GMDS: variants seen among roughly 807,000 people sequenced by gnomAD.
GMDS encodes the protein GDP-mannose 4,6-dehydratase.
Under a neutral mutation model 49.9 loss-of-function variants are expected in GMDS, and 20 were observed. The observed-to-expected ratio is 0.40, with a 90% CI of 0.28 to 0.58. The LOEUF is 0.58. Among genes scored for constraint, GMDS ranks in the 20% least tolerant of loss-of-function variants. The pLI is 0.42. For synonymous variants in GMDS, 177 were observed against 178.6 expected (o/e 0.99, Z 0.07); for missense variants, 362 against 481.4 (o/e 0.75, Z 2.32).
chr6:2,099,142 A>G (rs1215950763), intron 4 of GMDS, among the ~76,000 whole-genome samples: 2 of 152,160 alleles, frequency 1.3e-5, no homozygotes, highest in African/African-American at 4.8e-5. Context: ...ACTCTCATTT[A>G]GCATACATTT....
intron 7 of GMDS, among the ~76,000 whole-genome samples, chr6:1,818,014 C>A (rs1022167195): frequency 3.9e-5 from 6 of 151,960 alleles, no homozygotes; most frequent in Non-Finnish European, 8.8e-5. Flanking sequence ...ACAGAGCTTG[C>A]CTTAAAAGTA....
At chr6:2,124,583 T>C (rs1775315166) in intron 2 of GMDS, 104 bp downstream of exon 2, 1 of 854,596 alleles carries the variant, frequency 1.2e-6, no homozygotes, top group African/African-American at 1.6e-5. Context: ...TTATCTGCGT[T>C]TCAGTGGAAA....
Position 1,918,509 on chromosome 6 carries a change from G to A in GMDS, c.771+11594C>T, listed in dbSNP as rs552326694. ...TACCTATAATCCAGTCCTTTGGGGG[G>A]CCGAGGTGGACAGATCATTTGAGCT... On this transcript the variant is annotated intron_variant, in intron 7 of 10. Transcript: ENST00000380815. Among the ~76,000 whole-genome samples, 11 of 152,198 alleles carry A rather than the reference G, an allele frequency of 7.2e-5. No individual in the cohort carries two copies. The East Asian group carries it at 1.4e-3, about 19-fold the overall frequency.
At chr6:2,110,542 C>T (rs1774488360) in intron 4 of GMDS, among the ~76,000 whole-genome samples, 2 of 152,168 alleles carry the variant, frequency 1.3e-5, no homozygotes, top group African/African-American at 4.8e-5. Context: ...ACAGTCAACT[C>T]TGCCTCCTGA....
chr6:1,860,277 C>T (rs1439378483), intron 7 of GMDS, among the ~76,000 whole-genome samples: 2 of 152,084 alleles, frequency 1.3e-5, no homozygotes, highest in Non-Finnish European at 2.9e-5. Context: ...CAATAGATTA[C>T]CATTCAGCAA....
intron 7 of GMDS, among the ~76,000 whole-genome samples, chr6:1,750,116 C>G (rs1394842202): frequency 1.3e-5 from 2 of 152,188 alleles, no homozygotes; most frequent in African/African-American, 2.4e-5. Context: ...AAGGACTGAG[C>G]CACCAGCCTC....
intron 7 of GMDS, among the ~76,000 whole-genome samples, chr6:1,804,793 G>A (rs574484080): frequency 6.6e-6 from 1 of 151,740 alleles, no homozygotes; most frequent in African/African-American, 2.4e-5. Flanking sequence ...AACATCATAC[G>A]CTCATTTTCA....
intron 1 of GMDS, among the ~76,000 whole-genome samples, chr6:2,156,507 C>A (rs1777120802): frequency 6.6e-6 from 1 of 152,096 alleles, no homozygotes; most frequent in Admixed American, 6.5e-5. Flanking sequence ...TAATGACTTT[C>A]ACAACAAATT....
chr6:1,665,774 A>G (rs1346746152), intron 9 of GMDS, among the ~76,000 whole-genome samples: 2 of 152,202 alleles, frequency 1.3e-5, no homozygotes, highest in Non-Finnish European at 2.9e-5. Context: ...CATAATAGCT[A>G]AACAGCCCTA....
At chr6:2,229,408 CAAAAAA>C (rs1210456971) in intron 1 of GMDS, among the ~76,000 whole-genome samples, 20 of 89,240 alleles carry the variant, frequency 2.2e-4, no homozygotes, top group African/African-American at 4.6e-4. Flanking sequence ...CCTGTTTCTA[CAAAAAA>C]AAAAAAAAAA....
intron 2 of GMDS, among the ~76,000 whole-genome samples, 192 bp from the exon 3 acceptor site, chr6:2,117,748 C>T (rs941268680): frequency 5.3e-5 from 8 of 152,172 alleles, no homozygotes; most frequent in East Asian, 1.9e-4. Flanking sequence ...CTTTCCCCAG[C>T]GATTTTACTG....
chr6:1,630,599 C>G (rs1171039183), intron 9 of GMDS, among the ~76,000 whole-genome samples: 2 of 152,206 alleles, frequency 1.3e-5, no homozygotes, highest in Non-Finnish European at 2.9e-5. Context: ...TTTTGGGGAG[C>G]TGCCTACTCA....
rs1384717540 is a variant in GMDS at position 2,230,948 on chromosome 6, C to T, written c.102+14373G>A. Among the ~76,000 whole-genome samples, 3 of 94,044 alleles carry T rather than the reference C, an allele frequency of 3.2e-5. 1 individual carries two copies. Among genetic ancestry groups the T allele is most frequent in the African/African-American group, 4.2e-5 (1 of 23,992 alleles). The allele number at this position is 94,044 out of a possible 152,430, so 61.7% of individuals were successfully genotyped here. On this transcript the variant is annotated intron_variant, in intron 1 of 10. Transcript: ENST00000380815. ...ATTCTCTTCCCCCCTCCCACCCCCCCCCCCCGTTCCTTCCCCTAATACCCA... is the reference window on the plus strand; with the variant it reads ...ATTCTCTTCCCCCCTCCCACCCCCCTCCCCCGTTCCTTCCCCTAATACCCA...
chr6:2,211,022 G>A (rs543122797), intron 1 of GMDS, among the ~76,000 whole-genome samples: 1 of 152,108 alleles, frequency 6.6e-6, no homozygotes, highest in East Asian at 1.9e-4. Flanking sequence ...CTTCTCCTTC[G>A]CCCTTCCACC....
intron 4 of GMDS, among the ~76,000 whole-genome samples, chr6:1,981,746 T>G (rs1323976377): frequency 6.6e-6 from 1 of 152,200 alleles, no homozygotes; most frequent in East Asian, 1.9e-4. Context: ...GCCAATATCC[T>G]TGATGAACAT....
chr6:2,108,992 G>A (rs1774396453), intron 4 of GMDS, among the ~76,000 whole-genome samples: 1 of 152,126 alleles, frequency 6.6e-6, no homozygotes, highest in Non-Finnish European at 1.5e-5. Flanking sequence ...ACATTTTGGT[G>A]GCAGGAAATA....
At chr6:1,954,174 C>T (rs1425785645) in intron 6 of GMDS, among the ~76,000 whole-genome samples, 3 of 152,134 alleles carry the variant, frequency 2.0e-5, no homozygotes, top group South Asian at 4.2e-4. Context: ...TTTGAAGAAA[C>T]AATACAAAAG....
intron 4 of GMDS, among the ~76,000 whole-genome samples, chr6:1,999,961 ATATATATAT>A (rs1561961595): frequency 4.7e-5 from 1 of 21,306 alleles, no homozygotes; most frequent in Non-Finnish European, 9.4e-5. Flanking sequence ...TATGTATATT[ATATATATAT>A]TATATATATA....
intron 7 of GMDS, among the ~76,000 whole-genome samples, chr6:1,890,482 T>C (rs1473434305): frequency 2.6e-5 from 4 of 152,082 alleles, no homozygotes; most frequent in African/African-American, 9.7e-5. Context: ...TGGCCCCTTA[T>C]CAGATATATG....
Sources: gnomAD v4.1 joint callset for allele counts (sites outside exome capture counted in the v4.1 genomes callset) on GRCh38, gnomAD v4.1.1 for gene constraint, MANE v1.5 for transcripts, NCBI Gene and HGNC (gene_info 2026-07-23, HGNC 2026-07-21) for gene names.